The following KBTBD11 variants were observed in gnomAD, a reference collection of about 807,000 sequenced individuals.
The protein encoded by KBTBD11 is kelch repeat and BTB domain containing 11, also known as kelch repeat and BTB domain-containing protein 11.
For missense variants in KBTBD11, 1,390 were observed against 1,001.8 expected, an observed-to-expected ratio of 1.39 and a Z score of -5.23; for synonymous variants, 747 against 499.0, an observed-to-expected ratio of 1.50 and a Z score of -6.63.
chr8:1,984,666 G>A (rs1290075262), intron 1 of KBTBD11, among the ~76,000 whole-genome samples: 2 of 152,236 alleles, frequency 1.3e-5, no homozygotes, highest in Non-Finnish European at 2.9e-5. Flanking sequence ...AAAAGCACAC[G>A]TGTGATAGGC....
At chr8:1,983,809 T>C (rs1030242752) in intron 1 of KBTBD11, among the ~76,000 whole-genome samples, 3 of 152,268 alleles carry the variant, frequency 2.0e-5, no homozygotes, top group Non-Finnish European at 4.4e-5. Flanking sequence ...GAAAATTTTA[T>C]TGAAGTCTAA....
chr8:1,983,727 A>G (rs1816616739), intron 1 of KBTBD11, among the ~76,000 whole-genome samples: 1 of 152,230 alleles, frequency 6.6e-6, no homozygotes, highest in African/African-American at 2.4e-5. Flanking sequence ...GTTGAAATGT[A>G]TTTCACATGT....
At chr8:1,997,680 A>G (rs1390299380) in intron 1 of KBTBD11, among the ~76,000 whole-genome samples, 4 of 152,238 alleles carry the variant, frequency 2.6e-5, no homozygotes, top group Non-Finnish European at 4.4e-5. Flanking sequence ...CAGAAACAAC[A>G]TCGCTGATGG....
chr8:1,989,832 T>C (rs4357331), intron 1 of KBTBD11, among the ~76,000 whole-genome samples: 143,869 of 151,840 alleles, frequency 0.95, 68,214 homozygotes, highest in East Asian at 1. Context: ...TGGCTCTGAC[T>C]AAACCTCTTA....
rs952572438 is a variant in KBTBD11, at chr8:2,002,756, G to A, written c.1564G>A (p.Val522Ile). ...GEAQAAGPSGVSVSRYHCLAK... is the reference protein window; with the variant it reads ...GEAQAAGPSGISVSRYHCLAK... ...GGCGCAGGCGGCGGGGCCGAGCGGG[G>A]TCAGCGTGTCCCGATACCACTGCCT... is the stretch of plus-strand genomic sequence containing the variant. The change falls in exon 2 of 2, where the codon GTC (valine) becomes ATC (isoleucine). Residue 522 changes from valine to isoleucine, a missense_variant. Coordinates refer to ENST00000320248, the MANE Select transcript of KBTBD11 (RefSeq NM_014867.3). This position sits in a 1 kb window ranked among gnomAD's most constrained non-coding sequence, Gnocchi z 4.1. 2.7e-6 allele frequency: 4 copies of A among 1,490,096 alleles called. No individual in the cohort carries two copies. Among genetic ancestry groups the A allele is most frequent in the Middle Eastern group, 1.9e-4 (1 of 5,282 alleles). 92.3% of individuals were successfully genotyped at this position (1,490,096 alleles called of 1,614,324 possible).
Position 2,004,758 on chromosome 8 carries a change from C to G in KBTBD11, c.*1694C>G, listed in dbSNP as rs1359968966. 6.0e-6 allele frequency: 1 copy of G among 166,982 alleles called. No homozygotes were observed. The highest frequency in any genetic ancestry group is 2.4e-5 in the African/African-American group (1 of 41,426). The allele number at this position is 166,982 out of a possible 1,614,324, so 10.3% of individuals were successfully genotyped here. On this transcript the variant is annotated 3_prime_UTR_variant, in exon 2 of 2. Transcript: ENST00000320248. Reference sequence around the variant, plus strand: ...CATCTTGGGAAAGAAAAACAGACTTCATATCGCCTGACTTGATTGGCCTTT... The same window carrying G: ...CATCTTGGGAAAGAAAAACAGACTTGATATCGCCTGACTTGATTGGCCTTT...
Position 2,004,412 on chromosome 8 carries a change from T to C in KBTBD11, c.*1348T>C, listed in dbSNP as rs1260823517. The C allele has an allele frequency of 6.0e-6, 1 of 166,934 alleles. No homozygotes were observed. The highest frequency in any genetic ancestry group is 2.4e-5 in the African/African-American group (1 of 41,464). 10.3% of individuals were successfully genotyped at this position (166,934 alleles called of 1,614,324 possible). The stretch of plus-strand genomic sequence containing the variant: ...CATTTGAACTCCGAATCCAACCCAT[T>C]TTCTTACTGTAAGAGGAAAAGTTAC... On this transcript the variant is annotated 3_prime_UTR_variant, in exon 2 of 2. Transcript: ENST00000320248.
chr8:1,976,791 G>A (rs1216917459), intron 1 of KBTBD11, among the ~76,000 whole-genome samples: 1 of 152,222 alleles, frequency 6.6e-6, no homozygotes, highest in Non-Finnish European at 1.5e-5. Flanking sequence ...GTTAGGCCGA[G>A]AACTAAGGGA....
In KBTBD11 at chr8:2,001,571, G is replaced by C; in HGVS notation, c.379G>C (p.Ala127Pro). 1 of 1,445,940 alleles carries C rather than the reference G, an allele frequency of 6.9e-7. No individual in the cohort carries two copies. The highest frequency in any genetic ancestry group is 9.0e-7 in the Non-Finnish European group (1 of 1,105,140). The allele number at this position is 1,445,940 out of a possible 1,614,324, so 89.6% of individuals were successfully genotyped here. Residue 127 changes from alanine (A) to proline (P), a missense_variant, in exon 2 of 2, where the codon GCG becomes CCG. Transcript: ENST00000320248. ...PASPEEPGEPAPVPPGFGAVY... is the reference protein window; with the variant it reads ...PASPEEPGEPPPVPPGFGAVY... ...GTCCCCCGAGGAGCCCGGGGAGCCC[G>C]CGCCCGTACCCCCGGGGTTCGGGGC...
rs1346405731 is a variant in KBTBD11 at position 2,001,249 on chromosome 8, CG to C, written c.61del (p.Glu21ArgfsTer159). On this transcript the variant is annotated frameshift_variant, in exon 2 of 2. Transcript: ENST00000320248. LOFTEE classifies it low-confidence loss of function (END_TRUNC). ...ACCCAGGGACTGAGCCCGGGGCTGCCGGGGAGAGCGAGAGCGAGGGCGCCGC... is the reference window on the plus strand; with the variant it reads ...ACCCAGGGACTGAGCCCGGGGCTGCCGGGAGAGCGAGAGCGAGGGCGCCGC... The part of the protein sequence containing the change: ...LYPGTEPGAA[G>X]ESESEGAASP... 3 of 1,498,288 alleles carry C rather than the reference CG, an allele frequency of 2.0e-6. No individual in the cohort carries two copies. The highest frequency in any genetic ancestry group is 2.7e-5 in the East Asian group (1 of 36,868). 92.8% of individuals were successfully genotyped at this position (1,498,288 alleles called of 1,614,324 possible).
intron 1 of KBTBD11, among the ~76,000 whole-genome samples, chr8:1,979,020 G>C (rs1563361913): frequency 6.6e-6 from 1 of 152,200 alleles, no homozygotes; most frequent in Non-Finnish European, 1.5e-5. Flanking sequence ...CCCTCGTGCT[G>C]GTCAGGGTTC....
chr8:1,981,514 G>A (rs1384599702), intron 1 of KBTBD11, among the ~76,000 whole-genome samples: 3 of 152,206 alleles, frequency 2.0e-5, no homozygotes, highest in African/African-American at 7.2e-5. Flanking sequence ...GTCAACTTGA[G>A]TAGATTAAGG....
chr8:1,975,671 T>C (rs144740646), intron 1 of KBTBD11, among the ~76,000 whole-genome samples: 65 of 152,298 alleles, frequency 4.3e-4, no homozygotes, highest in South Asian at 1.7e-3. Flanking sequence ...TAAGCCAGCA[T>C]TGGGCTTGGG....
At chr8:1,977,082 G>GT (rs35601452) in intron 1 of KBTBD11, among the ~76,000 whole-genome samples, 14,110 of 145,188 alleles carry the variant, frequency 0.097, 850 homozygotes, top group Non-Finnish European at 0.14. Flanking sequence ...AACATTATGA[G>GT]TTTTTTTTTT....
intron 1 of KBTBD11, among the ~76,000 whole-genome samples, chr8:1,984,445 A>G (rs1216290929): frequency 2.0e-5 from 3 of 151,508 alleles, no homozygotes; most frequent in Non-Finnish European, 2.9e-5. Context: ...CCCGCACCAC[A>G]CCTGGCTAAT....
At chr8:1,987,703 T>G (rs946920599) in intron 1 of KBTBD11, among the ~76,000 whole-genome samples, 2 of 151,202 alleles carry the variant, frequency 1.3e-5, no homozygotes, top group African/African-American at 4.9e-5. Context: ...ACCAGGTTCA[T>G]CTGTCCTTAT....
At chr8:1,998,503 T>G (rs1405359767) in intron 1 of KBTBD11, among the ~76,000 whole-genome samples, 1 of 152,228 alleles carries the variant, frequency 6.6e-6, no homozygotes, top group African/African-American at 2.4e-5. Context: ...CTTCAGTCTG[T>G]AATGATTAAT....
chr8:1,982,328 G>A (rs913307350), intron 1 of KBTBD11, among the ~76,000 whole-genome samples: 2 of 152,150 alleles, frequency 1.3e-5, no homozygotes, highest in Non-Finnish European at 2.9e-5. Flanking sequence ...GACAGCAAGA[G>A]AGGAAGAAAG....
chr8:1,983,837 G>C (rs559792241), intron 1 of KBTBD11, among the ~76,000 whole-genome samples: 49 of 152,384 alleles, frequency 3.2e-4, no homozygotes, highest in Admixed American at 7.8e-4. Context: ...ACTGGAAAAA[G>C]TCACACATGG....
Sources: allele counts gnomAD v4.1 joint callset (sites outside exome capture counted in the v4.1 genomes callset), GRCh38; gene constraint gnomAD v4.1.1; non-coding constraint Gnocchi (gnomAD v3.1); transcripts MANE v1.5; gene names NCBI Gene and HGNC (gene_info 2026-07-23, HGNC 2026-07-21).